Variants in SPAG6 observed in about 807,000 individuals in gnomAD.
SPAG6 encodes the protein sperm associated antigen 6.
SPAG6 carries 49 observed loss-of-function variants against 58.5 expected under a neutral mutation model. The observed-to-expected ratio is 0.84, with a 90% CI of 0.67 to 1.06. SPAG6 has a LOEUF of 1.06. SPAG6 is among the 50% of genes least tolerant of loss of function. The probability of loss-of-function intolerance (pLI) is 0.00; values close to 1 mark genes in which losing one functional copy is unlikely to be tolerated. For synonymous variants in SPAG6, 233 were observed against 225.6 expected (o/e 1.03, Z -0.29); for missense variants, 560 against 611.3 (o/e 0.92, Z 0.89).
At chr10:22,403,619 G>A (rs1334737864) in intron 9 of SPAG6, among the ~76,000 whole-genome samples, 1 of 145,180 alleles carries the variant, frequency 6.9e-6, no homozygotes, top group African/African-American at 2.8e-5. Context: ...CTTTATAGCA[G>A]CATGATTTAT....
At chr10:22,410,986 A>T (rs1382797567) in intron 9 of SPAG6, 45 bp from the exon 10 acceptor site, 2 of 1,577,924 alleles carry the variant, frequency 1.3e-6, no homozygotes, top group Admixed American at 1.9e-5. Flanking sequence ...TAATAATCTA[A>T]CTTGGAAAAG....
chr10:22,397,221 C>T (rs954854891), intron 8 of SPAG6, among the ~76,000 whole-genome samples: 3 of 152,116 alleles, frequency 2.0e-5, no homozygotes, highest in Non-Finnish European at 2.9e-5. Flanking sequence ...CACACACACA[C>T]ACGCACACAC....
intron 3 of SPAG6, among the ~76,000 whole-genome samples, chr10:22,365,722 A>G (rs1220516957): frequency 6.6e-6 from 1 of 152,194 alleles, no homozygotes; most frequent in Non-Finnish European, 1.5e-5. Context: ...TTTGTGTAAC[A>G]AAAAGACAAG....
intron 2 of SPAG6, among the ~76,000 whole-genome samples, chr10:22,363,266 G>T (rs946540985): frequency 1.3e-5 from 2 of 152,184 alleles, no homozygotes; most frequent in African/African-American, 2.4e-5. Flanking sequence ...CACCTTTCCT[G>T]AAATAACCTG....
intron 4 of SPAG6, among the ~76,000 whole-genome samples, chr10:22,370,811 A>G (rs1005171640): frequency 1.3e-5 from 2 of 152,230 alleles, no homozygotes; most frequent in South Asian, 2.1e-4. Context: ...AGGGTTTTCA[A>G]TCAAAAGCTG....
chr10:22,407,367 T>G (rs1834585558), intron 9 of SPAG6, among the ~76,000 whole-genome samples: 1 of 151,512 alleles, frequency 6.6e-6, no homozygotes, highest in African/African-American at 2.4e-5. Context: ...TGCTTGTCTG[T>G]AAAGTATTTT....
chr10:22,355,648 T>G (rs1291589840), intron 2 of SPAG6, among the ~76,000 whole-genome samples: 2 of 152,226 alleles, frequency 1.3e-5, no homozygotes, highest in African/African-American at 4.8e-5. Flanking sequence ...TTGTGTGTTA[T>G]AAGGGATAAC....
intron 9 of SPAG6, among the ~76,000 whole-genome samples, chr10:22,402,301 G>T (rs548512495): frequency 6.6e-6 from 1 of 151,970 alleles, no homozygotes; most frequent in South Asian, 2.1e-4. Flanking sequence ...AAATGAATGG[G>T]GTGTGGCAAA....
chr10:22,410,262 C>T (rs191705132), intron 9 of SPAG6, among the ~76,000 whole-genome samples: 2 of 152,154 alleles, frequency 1.3e-5, no homozygotes, highest in South Asian at 2.1e-4. Context: ...GTACCAGGCA[C>T]GAGGGAAATG....
chr10:22,372,458 G>C (rs1290998621), intron 4 of SPAG6, among the ~76,000 whole-genome samples: 1 of 152,166 alleles, frequency 6.6e-6, no homozygotes, highest in East Asian at 1.9e-4. Context: ...CCAGCCGCCG[G>C]GCTTCCTCAG....
At chr10:22,351,073 T>A (rs116936424) in intron 2 of SPAG6, among the ~76,000 whole-genome samples, 1 of 152,356 alleles carries the variant, frequency 6.6e-6, no homozygotes, top group East Asian at 1.9e-4. Flanking sequence ...AAACCTTGGT[T>A]TTAACTGTTG....
In SPAG6 at chr10:22,374,476, G is replaced by A. The variant is rs529673473; in HGVS notation, c.472+5798G>A. Reference sequence around the variant, plus strand: ...TGACTATACATTAGAGTAAATGAAAGATGAATTATAACTGGGCAGAGTGGC... The same window carrying A: ...TGACTATACATTAGAGTAAATGAAAAATGAATTATAACTGGGCAGAGTGGC... On this transcript the variant is annotated intron_variant, in intron 4 of 10. Coordinates refer to ENST00000376624, the MANE Select transcript of SPAG6 (RefSeq NM_012443.4). 1.0e-3 allele frequency among the ~76,000 whole-genome samples: 155 copies of A among 152,072 alleles called. No individual in the cohort carries two copies. In the South Asian group the frequency reaches 0.015, roughly 14 times the overall value.
intron 8 of SPAG6, among the ~76,000 whole-genome samples, chr10:22,393,774 TCA>T (rs1293334105): frequency 6.6e-6 from 1 of 152,212 alleles, no homozygotes; most frequent in Non-Finnish European, 1.5e-5. Context: ...GTGAATTCTC[TCA>T]GTTGTTATTT....
In SPAG6 at chr10:22,389,292, A is replaced by G. The variant is rs1192171890; in HGVS notation, c.985A>G (p.Met329Val). ...YVAAHSENLA[M>V]AVIISKGVPQ... ...AGCAGCTCATTCTGAGAACCTAGCAATGGCAGTCATCATTTCTAAGGTTTG... is the reference window on the plus strand; with the variant it reads ...AGCAGCTCATTCTGAGAACCTAGCAGTGGCAGTCATCATTTCTAAGGTTTG... The change falls in exon 7 of 11, where the codon ATG becomes GTG. Residue 329 changes from methionine to valine, a missense_variant. Transcript: ENST00000376624. 4 of 1,612,144 alleles carry G rather than the reference A, an allele frequency of 2.5e-6. No individual in the cohort carries two copies. Among genetic ancestry groups the G allele is most frequent in the Non-Finnish European group, 3.4e-6 (4 of 1,179,580 alleles).
At chr10:22,382,490 G>A (rs1833978928) in intron 4 of SPAG6, among the ~76,000 whole-genome samples, 1 of 152,082 alleles carries the variant, frequency 6.6e-6, no homozygotes, top group South Asian at 2.1e-4. Context: ...ATAAGGGTCT[G>A]AATTAAGGCA....
chr10:22,352,760 C>T (rs1410046936), intron 2 of SPAG6, among the ~76,000 whole-genome samples: 2 of 152,194 alleles, frequency 1.3e-5, no homozygotes, highest in Admixed American at 6.5e-5. Flanking sequence ...CCACCCGCCT[C>T]GGCCTCCCAA....
chr10:22,413,094 A>G (rs1588569127), intron 10 of SPAG6: 1 of 149,084 alleles, frequency 6.7e-6, no homozygotes, highest in Non-Finnish European at 1.5e-5. Flanking sequence ...AAAAAGAACT[A>G]AAGTGTCCCC....
chr10:22,405,537 G>A (rs1161322630), intron 9 of SPAG6, among the ~76,000 whole-genome samples: 2 of 149,960 alleles, frequency 1.3e-5, no homozygotes, highest in Non-Finnish European at 3.0e-5. Context: ...GATTCGGTTT[G>A]CCAGTATTTT....
chr10:22,377,091 T>G (rs1299899153), intron 4 of SPAG6, among the ~76,000 whole-genome samples: 1 of 151,828 alleles, frequency 6.6e-6, no homozygotes, highest in East Asian at 1.9e-4. Flanking sequence ...TCAGTGCTTC[T>G]GTCTTGGGCA....
Sources: gnomAD v4.1 joint callset for allele counts (sites outside exome capture counted in the v4.1 genomes callset) on GRCh38, gnomAD v4.1.1 for gene constraint, MANE v1.5 for transcripts, NCBI Gene and HGNC (gene_info 2026-07-23, HGNC 2026-07-21) for gene names.